The following E2F3 variants were observed in gnomAD, a reference collection of about 807,000 sequenced individuals.
E2F3 encodes transcription factor E2F3.
Under a neutral mutation model 44.4 loss-of-function variants are expected in E2F3, and 11 were observed. That is an observed-to-expected ratio of 0.25 (90% confidence interval 0.16 to 0.41). The LOEUF is 0.41. E2F3 is among the 10% of genes least tolerant of loss of function. The pLI is 1.00. For synonymous variants in E2F3, 249 were observed against 253.0 expected (o/e 0.98, Z 0.15); for missense variants, 487 against 583.6 (o/e 0.83, Z 1.70).
chr6:20,477,626 C>T (rs1193239226), intron 1 of E2F3, among the ~76,000 whole-genome samples: 4 of 152,062 alleles, frequency 2.6e-5, no homozygotes, highest in African/African-American at 9.7e-5. Flanking sequence ...TGATCCAATG[C>T]ATCTTAGGTA....
chr6:20,407,725 T>C (rs1344153104), intron 1 of E2F3, among the ~76,000 whole-genome samples: 2 of 152,248 alleles, frequency 1.3e-5, no homozygotes, highest in African/African-American at 4.8e-5. Context: ...GTTAATTTTC[T>C]GGCTGGTTTT....
intron 1 of E2F3, among the ~76,000 whole-genome samples, chr6:20,457,353 T>TC (rs1285897503): frequency 1.2e-4 from 17 of 145,878 alleles, no homozygotes; most frequent in Non-Finnish European, 2.0e-4. Context: ...TTTTTCTTTT[T>TC]TTTTTTTTTT....
intron 1 of E2F3, among the ~76,000 whole-genome samples, chr6:20,468,566 T>C (rs1761790060): frequency 6.6e-6 from 1 of 152,156 alleles, no homozygotes; most frequent in South Asian, 2.1e-4. Flanking sequence ...TTTGGGAAGC[T>C]TCATTATGTT....
intron 1 of E2F3, among the ~76,000 whole-genome samples, chr6:20,404,423 C>T (rs1365106830): frequency 6.6e-6 from 1 of 152,190 alleles, no homozygotes; most frequent in Admixed American, 6.5e-5. Context: ...TTGGCCTCCA[C>T]GGGGCTAGAA....
rs748841524 is a variant in E2F3 at position 20,490,253 on chromosome 6, A to C, written c.1221A>C (p.Leu407Phe). The change falls in exon 7 of 7, where the codon TTA (leucine) becomes TTC (phenylalanine). Residue 407 changes from leucine (L) to phenylalanine (F), a missense_variant. By Grantham distance (22) the Leu-to-Phe change is conservative. Around this residue, in one of 3 missense-constraint regions of E2F3, gnomAD observed 220 missense variants for 261.7 expected, o/e 0.84. Transcript: ENST00000346618. The surrounding 1 kb of genome is among the most constrained non-coding windows in gnomAD (Gnocchi z 4.3). ...CTCTGGCCTCCCCAGCCAACCTCTT[A>C]CAGCAGACTGAGGACCAAATTCCTT... ...LSPLASPANL[L>F]QQTEDQIPSN... 3.1e-6 allele frequency: 5 copies of C among 1,614,150 alleles called. No homozygotes were observed. In the South Asian group the frequency reaches 5.5e-5, roughly 18 times the overall value.
chr6:20,430,569 T>TCAGAAGTA (rs1404040224), intron 1 of E2F3, among the ~76,000 whole-genome samples: 2 of 152,194 alleles, frequency 1.3e-5, no homozygotes, highest in African/African-American at 2.4e-5. Flanking sequence ...CACGTGACAT[T>TCAGAAGTA]CAGAAGTACC....
At chr6:20,403,748 T>G in intron 1 of E2F3, 1 of 1,475,094 alleles carries the variant, frequency 6.8e-7, no homozygotes, top group Non-Finnish European at 9.0e-7. Context: ...CGCCGGTCTG[T>G]TCGGCCCTCC....
chr6:20,415,479 G>A (rs772304638), intron 1 of E2F3, among the ~76,000 whole-genome samples: 8 of 152,074 alleles, frequency 5.3e-5, no homozygotes, highest in Admixed American at 1.3e-4. Context: ...CCTGGCCTCC[G>A]CCCACTTAGA....
chr6:20,480,586 G>C (rs1420878703), intron 2 of E2F3, among the ~76,000 whole-genome samples: 2 of 152,176 alleles, frequency 1.3e-5, no homozygotes, highest in Non-Finnish European at 2.9e-5. Context: ...TTAAAACCTT[G>C]ACCTGTGCAC....
intron 1 of E2F3, among the ~76,000 whole-genome samples, chr6:20,465,557 C>G (rs896711351): frequency 2.6e-5 from 4 of 152,084 alleles, no homozygotes; most frequent in African/African-American, 9.7e-5. Flanking sequence ...TTTTGGTGCA[C>G]TCATCACTCG....
intron 1 of E2F3, among the ~76,000 whole-genome samples, chr6:20,404,399 C>T (rs1759423988): frequency 6.6e-6 from 1 of 152,186 alleles, no homozygotes; most frequent in South Asian, 2.1e-4. Context: ...GGGTCTTCAC[C>T]CTCGTGGTGA....
chr6:20,463,989 TTTACTG>T (rs764391842), intron 1 of E2F3, among the ~76,000 whole-genome samples: 1 of 152,194 alleles, frequency 6.6e-6, no homozygotes, highest in Non-Finnish European at 1.5e-5. Context: ...GGAAACAGCA[TTTACTG>T]GTTTATTATA....
In E2F3 at chr6:20,402,682, G is replaced by A; in HGVS notation, c.393+57G>A. On this transcript the variant is annotated intron_variant, in intron 1 of 6. Transcript: ENST00000346618. This position sits in a 1 kb window ranked among gnomAD's most constrained non-coding sequence, Gnocchi z 5.6. ...CCGGCGGGAGGTGGGCTCGCACCGC[G>A]CGGGGTCGTGGGCGCGCTGCGGGCC... is the stretch of plus-strand genomic sequence containing the variant. 3.9e-6 allele frequency: 5 copies of A among 1,284,582 alleles called. No individual in the cohort carries two copies. Among genetic ancestry groups the A allele is most frequent in the Non-Finnish European group, 2.9e-6 (3 of 1,019,718 alleles). The allele number at this position is 1,284,582 out of a possible 1,614,324, so 79.6% of individuals were successfully genotyped here. A position where few individuals can be genotyped will look rare whatever the true frequency, so the allele number is the denominator to read the frequency against.
At chr6:20,404,073 T>G (rs887275118) in intron 1 of E2F3, among the ~76,000 whole-genome samples, 20 of 151,728 alleles carry the variant, frequency 1.3e-4, no homozygotes, top group African/African-American at 4.8e-4. Context: ...TTACGTGGAT[T>G]TTTTTTCTAG....
chr6:20,422,053 A>G lies in E2F3; in HGVS notation c.393+19428A>G, dbSNP rs181100547. On this transcript the variant is annotated intron_variant, in intron 1 of 6. Transcript: ENST00000346618. ...CTCCTCTCTAGCTATGCAAGTACTA[A>G]GTGGTATCATCTTCCAATAGAAAGC... 1.6e-4 allele frequency among the ~76,000 whole-genome samples: 25 copies of G among 152,334 alleles called. No individual in the cohort carries two copies. In the East Asian group the frequency reaches 4.8e-3, roughly 29 times the overall value.
At chr6:20,410,395 T>A (rs115305965) in intron 1 of E2F3, among the ~76,000 whole-genome samples, 1 of 152,238 alleles carries the variant, frequency 6.6e-6, no homozygotes, top group Non-Finnish European at 1.5e-5. Context: ...CCTGTGACTT[T>A]GGGCAAGAAA....
At chr6:20,407,170 T>C (rs1759520296) in intron 1 of E2F3, among the ~76,000 whole-genome samples, 3 of 152,196 alleles carry the variant, frequency 2.0e-5, no homozygotes, top group Admixed American at 2.0e-4. Flanking sequence ...CTCAATAATC[T>C]TGCTTCTGCT....
intron 1 of E2F3, among the ~76,000 whole-genome samples, chr6:20,432,269 C>G (rs1338966849): frequency 6.6e-6 from 1 of 151,772 alleles, no homozygotes; most frequent in Non-Finnish European, 1.5e-5. Flanking sequence ...CTCACCTACT[C>G]TGGGGCCTTG....
chr6:20,450,806 T>C (rs768967334), intron 1 of E2F3, among the ~76,000 whole-genome samples: 1 of 152,212 alleles, frequency 6.6e-6, no homozygotes, highest in Non-Finnish European at 1.5e-5. Flanking sequence ...TTTTTATATA[T>C]GGTATAACGA....
Sources: allele counts gnomAD v4.1 joint callset (sites outside exome capture counted in the v4.1 genomes callset), GRCh38; gene constraint gnomAD v4.1.1; regional missense constraint gnomAD v4.1.1; non-coding constraint Gnocchi (gnomAD v3.1); transcripts MANE v1.5; gene names NCBI Gene and HGNC (gene_info 2026-07-23, HGNC 2026-07-21).